The following RAB29 variants were observed in gnomAD, a reference collection of about 807,000 sequenced individuals.
The protein encoded by RAB29 is RAB29, member RAS oncogene family.
A neutral mutation model predicts 25.5 loss-of-function variants in RAB29; 13 were observed. That is an observed-to-expected ratio of 0.51 (90% CI 0.33 to 0.81). RAB29 has a LOEUF of 0.81. Among genes scored for constraint, RAB29 ranks in the 30% least tolerant of loss-of-function variants. RAB29 has a pLI of 0.02. For missense variants in RAB29, 201 were observed against 254.9 expected, an observed-to-expected ratio of 0.79 and a Z score of 1.44; for synonymous variants, 88 against 95.0, an observed-to-expected ratio of 0.93 and a Z score of 0.43.
chr1:205,770,091 T>C lies in RAB29; in HGVS notation c.*251A>G. 1.9e-6 allele frequency: 1 copy of C among 527,896 alleles called. No individual in the cohort carries two copies. Among genetic ancestry groups the C allele is most frequent in the Non-Finnish European group, 3.4e-6 (1 of 294,116 alleles). 32.7% of individuals were successfully genotyped at this position (527,896 alleles called of 1,614,324 possible). ...AAATTCCGGATCACAAATTGAGGGC[T>C]GATGAGAAGATCTTACACCGAAGGC... On this transcript the variant is annotated 3_prime_UTR_variant, in exon 6 of 6. Transcript: ENST00000367139.
Position 205,770,217 on chromosome 1 carries a change from C to A in RAB29, c.*125G>T. The A allele has an allele frequency of 1.3e-6, 1 of 774,636 alleles. No homozygotes were observed. The highest frequency in any genetic ancestry group is 2.2e-6 in the Non-Finnish European group (1 of 449,362). 48.0% of individuals were successfully genotyped at this position (774,636 alleles called of 1,614,324 possible). A position where few individuals can be genotyped will look rare whatever the true frequency, so the allele number is the denominator to read the frequency against. On this transcript the variant is annotated 3_prime_UTR_variant, in exon 6 of 6. Coordinates refer to ENST00000367139, the MANE Select transcript of RAB29 (RefSeq NM_003929.3). ...GGTGTCTTTTCTAAGTGACAATGGG[C>A]CTCCTTACTGGACAGTAGTCAGGAG...
At position 205,769,406 on chromosome 1, in the gene RAB29, T is replaced by C. The variant is rs1040305407; in HGVS notation, c.*936A>G. 3 of 152,178 alleles carry C rather than the reference T, an allele frequency of 2.0e-5. No homozygotes were observed. The highest frequency in any genetic ancestry group is 4.8e-5 in the African/African-American group (2 of 41,434). The allele number at this position is 152,178 out of a possible 1,614,324, so 9.4% of individuals were successfully genotyped here. A position where few individuals can be genotyped will look rare whatever the true frequency, so the allele number is the denominator to read the frequency against. On this transcript the variant is annotated 3_prime_UTR_variant, in exon 6 of 6. Transcript: ENST00000367139. ...AAGAAAATGCTTTCATTGCATGAGA[T>C]AGGTAGTTTAAAAATGACTATTCTT...
rs1471192185 is a variant in RAB29 at position 205,768,813 on chromosome 1, G to T, written c.*1529C>A. ...GCCTCCCAAAGTGCTGGGATTACAGGTGTGAGCCACCACGGCTGGCTCAGG... is the reference window on the plus strand; with the variant it reads ...GCCTCCCAAAGTGCTGGGATTACAGTTGTGAGCCACCACGGCTGGCTCAGG... On this transcript the variant is annotated 3_prime_UTR_variant, in exon 6 of 6. Transcript: ENST00000367139. 1 of 152,128 alleles carries T rather than the reference G, an allele frequency of 6.6e-6. No homozygotes were observed. The highest frequency in any genetic ancestry group is 1.5e-5 in the Non-Finnish European group (1 of 68,050). 9.4% of individuals were successfully genotyped at this position (152,128 alleles called of 1,614,324 possible).
rs571322903 is a variant in RAB29 at position 205,771,254 on chromosome 1, G to A, written c.378+218C>T. ...GCAGAGCTGGCAGTGAGCCGAGATC[G>A]CGCCACTGCACTCCAGCCTGAGCAA... On this transcript the variant is annotated intron_variant, in intron 4 of 5. Coordinates refer to ENST00000367139, the MANE Select transcript of RAB29 (RefSeq NM_003929.3). The A allele has an allele frequency of 2.3e-4, 135 of 587,892 alleles. 1 individual carries two copies. The highest frequency in any genetic ancestry group is 1.4e-3 in the Admixed American group (49 of 34,902). The allele number at this position is 587,892 out of a possible 1,614,324, so 36.4% of individuals were successfully genotyped here.
chr1:205,769,971 T>C lies in RAB29; in HGVS notation c.*371A>G, dbSNP rs1654904997. 2 of 244,730 alleles carry C rather than the reference T, an allele frequency of 8.2e-6. No homozygotes were observed. Among genetic ancestry groups the C allele is most frequent in the South Asian group, 1.1e-4 (2 of 17,512 alleles). The allele number at this position is 244,730 out of a possible 1,614,324, so 15.2% of individuals were successfully genotyped here. On this transcript the variant is annotated 3_prime_UTR_variant, in exon 6 of 6. Coordinates refer to ENST00000367139, the MANE Select transcript of RAB29 (RefSeq NM_003929.3). ...TCATTTTCCTCTCAATTGGAAGTCATGATATCAATGAATATCAAATGGAAA... is the reference window on the plus strand; with the variant it reads ...TCATTTTCCTCTCAATTGGAAGTCACGATATCAATGAATATCAAATGGAAA...
At chr1:205,771,006 G>T in intron 4 of RAB29, 152 bp from the exon 5 acceptor site, 1 of 1,152,258 alleles carries the variant, frequency 8.7e-7, no homozygotes, top group African/African-American at 1.5e-5. Flanking sequence ...CCCAAAGAAA[G>T]TCTCACCCTT....
intron 5 of RAB29, 114 bp from the exon 6 acceptor site, chr1:205,770,567 C>A: frequency 7.2e-7 from 1 of 1,389,168 alleles, no homozygotes; most frequent in Non-Finnish European, 1.0e-6. Context: ...GTTTAAATGC[C>A]CCTTTGTCCC....
intron 2 of RAB29, among the ~76,000 whole-genome samples, chr1:205,773,382 T>C (rs1655124078): frequency 6.6e-6 from 1 of 152,194 alleles, no homozygotes; most frequent in African/African-American, 2.4e-5. Context: ...TGTTAAAAAT[T>C]AACTATTAAT....
intron 2 of RAB29, 36 bp downstream of exon 2, chr1:205,774,797 C>G: frequency 3.0e-6 from 4 of 1,342,530 alleles, no homozygotes; most frequent in East Asian, 2.5e-5. Flanking sequence ...GGGCCTCCTC[C>G]TCCCCCTCCC....
At chr1:205,770,613 AG>A in intron 5 of RAB29, 119 bp downstream of exon 5, 1 of 1,510,756 alleles carries the variant, frequency 6.6e-7, no homozygotes, top group South Asian at 1.2e-5. Flanking sequence ...CCTGACCTTT[AG>A]GGGCTAGCAT....
intron 2 of RAB29, 137 bp downstream of exon 2, chr1:205,774,696 T>TC: frequency 1.1e-6 from 1 of 903,160 alleles, no homozygotes. Context: ...CCATCTAGGT[T>TC]CCCAGACAGT....
chr1:205,770,124 G>A lies in RAB29; in HGVS notation c.*218C>T. The A allele has an allele frequency of 1.7e-6, 1 of 584,724 alleles. No individual in the cohort carries two copies. Among genetic ancestry groups the A allele is most frequent in the Non-Finnish European group, 3.1e-6 (1 of 327,374 alleles). 36.2% of individuals were successfully genotyped at this position (584,724 alleles called of 1,614,324 possible). A position where few individuals can be genotyped will look rare whatever the true frequency, so the allele number is the denominator to read the frequency against. The stretch of plus-strand genomic sequence containing the variant: ...AGATCTTACACCGAAGGCACTAACT[G>A]GCACTAATGTGAGCCAGCAACATGT... On this transcript the variant is annotated 3_prime_UTR_variant, in exon 6 of 6. Transcript: ENST00000367139.
chr1:205,770,800 C>T lies in RAB29; in HGVS notation c.433G>A (p.Glu145Lys). The T allele has an allele frequency of 6.2e-7, 1 of 1,614,192 alleles. No homozygotes were observed. Among genetic ancestry groups the T allele is most frequent in the Non-Finnish European group, 8.5e-7 (1 of 1,180,032 alleles). Residue 145 changes from glutamate to lysine, a missense_variant, in exon 5 of 6, where the codon GAG becomes AAG. By Grantham distance (56) the Glu-to-Lys change is moderately conservative (BLOSUM62 1). Coordinates refer to ENST00000367139, the MANE Select transcript of RAB29 (RefSeq NM_003929.3). ...TCTGTCCAACCTGTGAAACCGTTCT[C>T]TTTACTGAACCGGTCAATCTGGTCC... ...SRDQIDRFSK[E>K]NGFTGWTETS...
rs1451083050 is a variant in RAB29 at position 205,768,531 on chromosome 1, C to T, written c.*1811G>A. ...GAGGTCGGGACCCAAAAATCTTTTT[C>T]TTTTTGTTTTTTTTTTTTGGAGATG... On this transcript the variant is annotated 3_prime_UTR_variant, in exon 6 of 6. Transcript: ENST00000367139. 2.5e-5 allele frequency: 2 copies of T among 79,048 alleles called. No homozygotes were observed. Among genetic ancestry groups the T allele is most frequent in the African/African-American group, 3.9e-5 (1 of 25,486 alleles). 4.9% of individuals were successfully genotyped at this position (79,048 alleles called of 1,614,324 possible).
chr1:205,770,896 T>A, intron 4 of RAB29, 42 bp from the exon 5 acceptor site: 1 of 1,607,716 alleles, frequency 6.2e-7, no homozygotes, highest in East Asian at 2.2e-5. Context: ...ATAAACTTCC[T>A]GCAACTAAGA....
chr1:205,768,438 C>G lies in RAB29; in HGVS notation c.*1904G>C, dbSNP rs905841073. 1.3e-5 allele frequency: 2 copies of G among 152,162 alleles called. No individual in the cohort carries two copies. Among genetic ancestry groups the G allele is most frequent in the African/African-American group, 4.8e-5 (2 of 41,434 alleles). The allele number at this position is 152,162 out of a possible 1,614,324, so 9.4% of individuals were successfully genotyped here. A position where few individuals can be genotyped will look rare whatever the true frequency, so the allele number is the denominator to read the frequency against. ...TCCAAACCAGGCTTATCACAATCACCAGGGAAGCTCTGAAAACAACAACAC... is the reference window on the plus strand; with the variant it reads ...TCCAAACCAGGCTTATCACAATCACGAGGGAAGCTCTGAAAACAACAACAC... On this transcript the variant is annotated 3_prime_UTR_variant, in exon 6 of 6. Transcript: ENST00000367139.
At chr1:205,771,310 A>G in intron 4 of RAB29, 162 bp downstream of exon 4, 1 of 487,852 alleles carries the variant, frequency 2.0e-6, no homozygotes, top group Admixed American at 5.1e-5. Context: ...AAAAAAAAAA[A>G]AAGAAAGAAA....
At chr1:205,771,036 C>T (rs1010826353) in intron 4 of RAB29, 182 bp from the exon 5 acceptor site, 116 of 778,158 alleles carry the variant, frequency 1.5e-4, no homozygotes, top group African/African-American at 1.0e-3. Context: ...CAGTGGCTCA[C>T]GCCTGTAATC....
At chr1:205,771,281 A>G (rs1297294712) in intron 4 of RAB29, 191 bp downstream of exon 4, 12 of 678,742 alleles carry the variant, frequency 1.8e-5, no homozygotes, top group South Asian at 1.2e-4. Context: ...CCTGAGCAAC[A>G]GAGCGAGACT....
Sources: allele counts gnomAD v4.1 joint callset (sites outside exome capture counted in the v4.1 genomes callset), GRCh38; gene constraint gnomAD v4.1.1; transcripts MANE v1.5; gene names NCBI Gene and HGNC (gene_info 2026-07-23, HGNC 2026-07-21).